PCDH9: variants seen among roughly 807,000 people sequenced by gnomAD.
PCDH9 encodes protocadherin 9.
PCDH9 carries 24 observed loss-of-function variants against 70.6 expected under a neutral mutation model. The ratio of observed to expected loss-of-function variants is 0.34; its 90% CI spans 0.25 to 0.48. The LOEUF is 0.48. Ranked by LOEUF, PCDH9 falls within the 20% of genes least tolerant of loss-of-function variation. The pLI, the probability that PCDH9 is intolerant of heterozygous loss-of-function variation, is 0.99. For missense variants in PCDH9, 1,281 were observed against 1,503.6 expected, an observed-to-expected ratio of 0.85 and a Z score of 2.45; for synonymous variants, 562 against 558.5, an observed-to-expected ratio of 1.01 and a Z score of -0.09.
intron 2 of PCDH9, among the ~76,000 whole-genome samples, chr13:66,979,041 T>G (rs550997234): frequency 1.1e-4 from 16 of 152,164 alleles, no homozygotes; most frequent in Non-Finnish European, 1.8e-4. Flanking sequence ...TATTCTAATG[T>G]TGAATATCCA....
intron 2 of PCDH9, among the ~76,000 whole-genome samples, chr13:67,190,077 T>C (rs549087875): frequency 2.6e-5 from 4 of 152,174 alleles, no homozygotes; most frequent in Admixed American, 2.6e-4. Flanking sequence ...GTAAGGCTTA[T>C]AATATTAAAA....
At position 66,412,011 on chromosome 13, in the gene PCDH9, G is replaced by T. The variant is rs116655180; in HGVS notation, c.3341-106983C>A. Among the ~76,000 whole-genome samples, 515 of 152,260 alleles carry T rather than the reference G, an allele frequency of 3.4e-3. 5 individuals carry two copies. The highest frequency in any genetic ancestry group is 0.011 in the African/African-American group (476 of 41,566). On this transcript the variant is annotated intron_variant, in intron 4 of 4. Coordinates refer to ENST00000377865, the MANE Select transcript of PCDH9 (RefSeq NM_203487.3). ...AACAAATTCTAATGATCTACATTGGGAACATAAGAACATATATCAACTAAT... is the reference window on the plus strand; with the variant it reads ...AACAAATTCTAATGATCTACATTGGTAACATAAGAACATATATCAACTAAT...
chr13:66,834,053 G>A (rs1381814924), intron 3 of PCDH9, among the ~76,000 whole-genome samples: 1 of 151,914 alleles, frequency 6.6e-6, no homozygotes, highest in African/African-American at 2.4e-5. Context: ...TTTGCAATAT[G>A]GCACACTTCA....
At chr13:66,770,309 A>G (rs1215097397) in intron 3 of PCDH9, among the ~76,000 whole-genome samples, 1 of 152,140 alleles carries the variant, frequency 6.6e-6, no homozygotes, top group Non-Finnish European at 1.5e-5. Context: ...AATTACCACT[A>G]AAGAACTTAT....
intron 3 of PCDH9, among the ~76,000 whole-genome samples, chr13:66,815,849 A>G (rs996379843): frequency 6.6e-6 from 1 of 152,186 alleles, no homozygotes; most frequent in Non-Finnish European, 1.5e-5. Flanking sequence ...TAATCTGTAC[A>G]TCAAACCCCT....
At chr13:67,039,077 C>A (rs1281517932) in intron 2 of PCDH9, among the ~76,000 whole-genome samples, 1 of 152,162 alleles carries the variant, frequency 6.6e-6, no homozygotes, top group Non-Finnish European at 1.5e-5. Context: ...ATGGGGTTCA[C>A]GGAACTTCTG....
intron 4 of PCDH9, among the ~76,000 whole-genome samples, chr13:66,311,227 C>T (rs866483562): frequency 9.2e-5 from 14 of 151,936 alleles, no homozygotes; most frequent in Admixed American, 3.3e-4. Context: ...AATAAAATTT[C>T]GGGGAAACAA....
intron 2 of PCDH9, among the ~76,000 whole-genome samples, chr13:67,166,924 C>T (rs781379280): frequency 1.4e-4 from 22 of 152,090 alleles, no homozygotes; most frequent in Non-Finnish European, 4.4e-5. Context: ...TTAATAGTCA[C>T]CTAAGTTTAG....
chr13:67,091,707 A>G (rs553597773), intron 2 of PCDH9, among the ~76,000 whole-genome samples: 36 of 152,330 alleles, frequency 2.4e-4, no homozygotes, highest in African/African-American at 8.4e-4. Flanking sequence ...TTAGACTTAT[A>G]AAATGTATGT....
chr13:66,802,528 T>C (rs1025850), intron 3 of PCDH9, among the ~76,000 whole-genome samples: 76,370 of 151,834 alleles, frequency 0.5, 20,750 homozygotes, highest in East Asian at 0.66. Flanking sequence ...GAGAATCTTA[T>C]TCAACTGAAA....
intron 3 of PCDH9, among the ~76,000 whole-genome samples, chr13:66,861,645 A>G (rs2081486719): frequency 6.6e-6 from 1 of 152,142 alleles, no homozygotes; most frequent in Non-Finnish European, 1.5e-5. Context: ...GTCAAAGGCT[A>G]TTCCACTCTG....
At chr13:66,785,012 A>T (rs748744310) in intron 3 of PCDH9, among the ~76,000 whole-genome samples, 1 of 152,108 alleles carries the variant, frequency 6.6e-6, no homozygotes, top group Non-Finnish European at 1.5e-5. Flanking sequence ...TTCTACTATT[A>T]TTAAAAGTTA....
intron 3 of PCDH9, among the ~76,000 whole-genome samples, chr13:66,707,251 A>T (rs2078723806): frequency 6.6e-6 from 1 of 152,150 alleles, no homozygotes; most frequent in Non-Finnish European, 1.5e-5. Context: ...AGTAATTTTA[A>T]TTTTTTGTCG....
chr13:66,327,250 T>A (rs1593803976), intron 4 of PCDH9, among the ~76,000 whole-genome samples: 1 of 152,334 alleles, frequency 6.6e-6, no homozygotes, highest in East Asian at 1.9e-4. Context: ...ATCAGGGATC[T>A]TTTGTTGCTT....
intron 4 of PCDH9, among the ~76,000 whole-genome samples, chr13:66,366,114 TA>T (rs1956549994): frequency 6.6e-6 from 1 of 152,034 alleles, no homozygotes; most frequent in African/African-American, 2.4e-5. Context: ...AATGAGGGGA[TA>T]AAACAGTGGC....
intron 4 of PCDH9, among the ~76,000 whole-genome samples, chr13:66,546,116 G>T (rs868627030): frequency 6.6e-6 from 1 of 151,534 alleles, no homozygotes. Context: ...GGGATTACAG[G>T]CATGAGCCAC....
At chr13:66,714,498 T>C (rs562954939) in intron 3 of PCDH9, among the ~76,000 whole-genome samples, 1 of 151,850 alleles carries the variant, frequency 6.6e-6, no homozygotes, top group Non-Finnish European at 1.5e-5. Flanking sequence ...ACATTGATTT[T>C]ATAGGAATGA....
intron 3 of PCDH9, among the ~76,000 whole-genome samples, chr13:66,770,069 A>G (rs1229583786): frequency 2.0e-5 from 3 of 152,188 alleles, no homozygotes; most frequent in Non-Finnish European, 4.4e-5. Flanking sequence ...CTTTATTTAC[A>G]CTGGGAAATA....
intron 3 of PCDH9, among the ~76,000 whole-genome samples, chr13:66,743,373 T>G (rs921107180): frequency 7.5e-6 from 1 of 133,300 alleles, no homozygotes; most frequent in African/African-American, 2.8e-5. Flanking sequence ...AGGGATAGCA[T>G]TGGGAGATAC....
Sources: gnomAD v4.1 joint callset for allele counts (sites outside exome capture counted in the v4.1 genomes callset) on GRCh38, gnomAD v4.1.1 for gene constraint, MANE v1.5 for transcripts, NCBI Gene and HGNC (gene_info 2026-07-23, HGNC 2026-07-21) for gene names.